Variants in WDR27 observed in about 807,000 individuals in gnomAD.
The protein encoded by WDR27 is WD repeat domain 27.
WDR27 carries 100 observed loss-of-function variants against 114.4 expected under a neutral mutation model. That is an observed-to-expected ratio of 0.87 (90% confidence interval 0.74 to 1.03). The LOEUF is 1.03. Among genes scored for constraint, WDR27 ranks in the 50% least tolerant of loss-of-function variants. The pLI is 0.00. For missense variants in WDR27, 1,129 were observed against 1,092.9 expected (o/e 1.03, Z -0.47); for synonymous variants, 449 against 423.1 (o/e 1.06, Z -0.75).
At chr6:169,482,198 C>A (rs975434831) in intron 25 of WDR27, among the ~76,000 whole-genome samples, 2 of 152,144 alleles carry the variant, frequency 1.3e-5, no homozygotes, top group African/African-American at 4.8e-5. Flanking sequence ...CAGTCTATTG[C>A]CGGTATGCAT....
At chr6:169,502,015 C>T (rs912155026) in intron 25 of WDR27, among the ~76,000 whole-genome samples, 1 of 152,208 alleles carries the variant, frequency 6.6e-6, no homozygotes, top group South Asian at 2.1e-4. Context: ...GACACGGAGC[C>T]GGTGGCCATG....
chr6:169,435,116 G>A, the WDR27 span, among the ~76,000 whole-genome samples: 1 of 152,366 alleles, frequency 6.6e-6, no homozygotes, highest in Admixed American at 6.5e-5. Flanking sequence ...CAAGCCCCAA[G>A]CCTTGGCAGT....
intron 25 of WDR27, among the ~76,000 whole-genome samples, chr6:169,486,445 A>G (rs576125993): frequency 6.6e-6 from 1 of 152,238 alleles, no homozygotes; most frequent in Admixed American, 6.5e-5. Flanking sequence ...AGGCTCCGGC[A>G]GCCTTTGTTT....
rs763253806 is a variant in WDR27 at position 169,638,039 on chromosome 6, G to A, written c.1869+500C>T. Among the ~76,000 whole-genome samples the A allele has an allele frequency of 5.5e-4, 44 of 79,684 alleles. 9 individuals are homozygous for A. The highest frequency in any genetic ancestry group is 7.5e-4 in the Non-Finnish European group (31 of 41,072). The allele number at this position is 79,684 out of a possible 152,430, so 52.3% of individuals were successfully genotyped here. A position where few individuals can be genotyped will look rare whatever the true frequency, so the allele number is the denominator to read the frequency against. On this transcript the variant is annotated intron_variant, in intron 18 of 25. Transcript: ENST00000448612. Reference sequence around the variant, plus strand: ...CACACATTTAAGAAACTAATTGGCCGGGCGCGGTGGCTCACGCCTGTAATC... The same window carrying A: ...CACACATTTAAGAAACTAATTGGCCAGGCGCGGTGGCTCACGCCTGTAATC...
Position 169,659,280 on chromosome 6 carries a change from G to A in WDR27, c.1198-73C>T, listed in dbSNP as rs114319709. 5.9e-4 allele frequency: 916 copies of A among 1,556,574 alleles called. 1 individual carries two copies. Among genetic ancestry groups the A allele is most frequent in the African/African-American group, 5.1e-3 (376 of 73,454 alleles). On this transcript the variant is annotated intron_variant, in intron 11 of 25. Transcript: ENST00000448612. This position sits in a 1 kb window ranked among gnomAD's most constrained non-coding sequence, Gnocchi z 4.3. ...GCAGACGAAACGTGCATCCGCACACGTATCCTAACAGCTGCTTCATTCTCA... is the reference window on the plus strand; with the variant it reads ...GCAGACGAAACGTGCATCCGCACACATATCCTAACAGCTGCTTCATTCTCA...
intron 25 of WDR27, among the ~76,000 whole-genome samples, chr6:169,463,659 A>G (rs1178671254): frequency 6.6e-6 from 1 of 152,220 alleles, no homozygotes; most frequent in African/African-American, 2.4e-5. Context: ...CCACTCACAA[A>G]AAGCCTGTTA....
In WDR27 at chr6:169,464,280, G is replaced by A. The variant is rs73234499; in HGVS notation, c.2646-6646C>T. Among the ~76,000 whole-genome samples the A allele has an allele frequency of 5.1e-3, 784 of 152,288 alleles. 8 individuals carry two copies. Among genetic ancestry groups the A allele is most frequent in the African/African-American group, 0.018 (764 of 41,558 alleles). On this transcript the variant is annotated intron_variant, in intron 25 of 25. Coordinates refer to ENST00000448612, the MANE Select transcript of WDR27 (RefSeq NM_182552.5). ...AGAAGGGCTCCAAGACCATTCAATG[G>A]AGAAAAGACAACCTTTACAACAAAT...
chr6:169,647,179 T>C (rs752198208), intron 16 of WDR27, among the ~76,000 whole-genome samples: 6 of 152,034 alleles, frequency 3.9e-5, no homozygotes, highest in Non-Finnish European at 7.4e-5. Context: ...AAGCACTATT[T>C]AGAAAAAAGT....
chr6:169,641,977 T>G (rs1198207572), intron 17 of WDR27, among the ~76,000 whole-genome samples: 1 of 152,210 alleles, frequency 6.6e-6, no homozygotes, highest in African/African-American at 2.4e-5. Context: ...TAGACACAAT[T>G]TTTGATAGGA....
intron 8 of WDR27, 41 bp downstream of exon 8, chr6:169,664,125 G>A: frequency 1.3e-6 from 2 of 1,523,854 alleles, no homozygotes; most frequent in East Asian, 2.3e-5. Flanking sequence ...TGAAAGATCT[G>A]GGCCAAGTGG....
At chr6:169,575,321 CCTCTCT>C (rs67302162) in intron 24 of WDR27, among the ~76,000 whole-genome samples, 11,342 of 60,398 alleles carry the variant, frequency 0.19, 1,760 homozygotes, top group Non-Finnish European at 0.34. Context: ...TCCCTCCCTC[CCTCTCT>C]CTCTCTCCAT....
intron 25 of WDR27, among the ~76,000 whole-genome samples, chr6:169,563,632 A>T (rs1799993596): frequency 6.6e-6 from 1 of 152,206 alleles, no homozygotes; most frequent in African/African-American, 2.4e-5. Flanking sequence ...GGATGCAGCC[A>T]CAGCCGTCTC....
At chr6:169,656,031 T>G (rs1824091230) in intron 13 of WDR27, among the ~76,000 whole-genome samples, 1 of 151,266 alleles carries the variant, frequency 6.6e-6, no homozygotes, top group Non-Finnish European at 1.5e-5. Flanking sequence ...TGGAGAGTTT[T>G]ATTGAGTGAC....
At chr6:169,471,740 T>C (rs761729525) in intron 25 of WDR27, among the ~76,000 whole-genome samples, 27 of 152,232 alleles carry the variant, frequency 1.8e-4, no homozygotes, top group Admixed American at 1.8e-3. Context: ...ATATCTTAGG[T>C]GATCTGTTAG....
chr6:169,696,341 G>C (rs1785962347), intron 1 of WDR27, among the ~76,000 whole-genome samples: 2 of 152,182 alleles, frequency 1.3e-5, no homozygotes, highest in African/African-American at 4.8e-5. Flanking sequence ...CGAGGAAGAA[G>C]TTAAGGTATG....
intron 25 of WDR27, among the ~76,000 whole-genome samples, chr6:169,472,339 C>A (rs1316280789): frequency 1.3e-5 from 2 of 152,076 alleles, no homozygotes; most frequent in Non-Finnish European, 2.9e-5. Context: ...CATCTAAGAC[C>A]TTTTATTACT....
intron 25 of WDR27, among the ~76,000 whole-genome samples, chr6:169,502,875 A>G (rs1439422981): frequency 6.6e-6 from 1 of 152,164 alleles, no homozygotes; most frequent in African/African-American, 2.4e-5. Flanking sequence ...GGGGAAGCCA[A>G]GATTCGAGTA....
chr6:169,624,827 C>G (rs541654724), intron 21 of WDR27, among the ~76,000 whole-genome samples: 8 of 152,098 alleles, frequency 5.3e-5, no homozygotes, highest in Admixed American at 5.2e-4. Flanking sequence ...ATGAAAAATT[C>G]GAGATGTGTG....
chr6:169,464,285 A>G (rs1291680536), intron 25 of WDR27, among the ~76,000 whole-genome samples: 1 of 152,246 alleles, frequency 6.6e-6, no homozygotes, highest in Non-Finnish European at 1.5e-5. Context: ...CAATGGAGAA[A>G]AGACAACCTT....
Sources: allele counts gnomAD v4.1 joint callset (sites outside exome capture counted in the v4.1 genomes callset), GRCh38; gene constraint gnomAD v4.1.1; non-coding constraint Gnocchi (gnomAD v3.1); transcripts MANE v1.5; gene names NCBI Gene and HGNC (gene_info 2026-07-23, HGNC 2026-07-21).